CDH13: variants seen among roughly 807,000 people sequenced by gnomAD.
CDH13 encodes cadherin 13, also known as cadherin-13.
Under a neutral mutation model 63.8 loss-of-function variants are expected in CDH13, and 24 were observed. The observed-to-expected ratio is 0.38, with a 90% CI of 0.27 to 0.53. The LOEUF is 0.53. Ranked by LOEUF, CDH13 falls within the 20% of genes least tolerant of loss-of-function variation. The probability of loss-of-function intolerance (pLI) is 0.85; values close to 1 mark genes in which losing one functional copy is unlikely to be tolerated. For synonymous variants in CDH13, 503 were observed against 355.3 expected (o/e 1.42, Z -4.67); for missense variants, 1,049 against 903.1 (o/e 1.16, Z -2.07).
At chr16:82,663,377 G>C (rs1004627182) in intron 1 of CDH13, among the ~76,000 whole-genome samples, 2 of 151,968 alleles carry the variant, frequency 1.3e-5, no homozygotes, top group African/African-American at 4.8e-5. Flanking sequence ...GTATAGATGG[G>C]TTTCTCCATG....
At chr16:82,776,247 AAGGG>A (rs146393114) in intron 1 of CDH13, among the ~76,000 whole-genome samples, 18 of 140,496 alleles carry the variant, frequency 1.3e-4, no homozygotes, top group South Asian at 2.6e-4. Context: ...GGAAGGGATT[AAGGG>A]AGGGAGGGAG....
chr16:83,379,043 T>C (rs1305305582), intron 6 of CDH13, among the ~76,000 whole-genome samples: 1 of 152,050 alleles, frequency 6.6e-6, no homozygotes, highest in Non-Finnish European at 1.5e-5. Context: ...GTATAACATA[T>C]GCTTATCCTT....
intron 8 of CDH13, 77 bp from the exon 9 acceptor site, chr16:83,670,713 C>G (rs1914424688): frequency 8.0e-7 from 1 of 1,251,444 alleles, no homozygotes; most frequent in African/African-American, 1.5e-5. Context: ...ATGTGTGTAA[C>G]ATACCCAATG....
intron 2 of CDH13, among the ~76,000 whole-genome samples, chr16:82,863,864 A>T (rs1044921905): frequency 1.1e-4 from 16 of 149,792 alleles, no homozygotes; most frequent in Admixed American, 2.7e-4. Flanking sequence ...TAATTTTTTT[A>T]AATCCTAGAT....
intron 7 of CDH13, among the ~76,000 whole-genome samples, chr16:83,521,695 T>G (rs2074841407): frequency 6.6e-6 from 1 of 152,182 alleles, no homozygotes; most frequent in Non-Finnish European, 1.5e-5. Context: ...GAAAAGAACA[T>G]GAGTGGGTAA....
Position 83,032,041 on chromosome 16 carries a change from G to T in CDH13, c.189G>T (p.Lys63Asn), listed in dbSNP as rs931245498. ...LTFSDCKGND[K>N]LRYEVSSPYF... ...TCAGTGACTGTAAGGGAAACGACAA[G>T]CTACGCTATGAGGTCTCGAGCCCAT... is the stretch of plus-strand genomic sequence containing the variant. Residue 63 changes from lysine to asparagine, a missense_variant, in exon 3 of 14, where the codon AAG becomes AAT. Physicochemically the swap from Lys to Asn is moderately conservative, Grantham distance 94. Coordinates refer to ENST00000567109, the MANE Select transcript of CDH13 (RefSeq NM_001257.5). The T allele has an allele frequency of 3.1e-6, 5 of 1,603,874 alleles. No individual in the cohort carries two copies. Among genetic ancestry groups the T allele is most frequent in the Non-Finnish European group, 4.3e-6 (5 of 1,175,360 alleles).
At chr16:82,717,564 T>A (rs889856322) in intron 1 of CDH13, among the ~76,000 whole-genome samples, 1 of 152,056 alleles carries the variant, frequency 6.6e-6, no homozygotes, top group Non-Finnish European at 1.5e-5. Flanking sequence ...CTGGACTCTT[T>A]TAGATCCTGG....
At chr16:83,700,593 A>C (rs1906071354) in intron 10 of CDH13, among the ~76,000 whole-genome samples, 1 of 152,224 alleles carries the variant, frequency 6.6e-6, no homozygotes, top group Non-Finnish European at 1.5e-5. Flanking sequence ...ACAGGTGTAC[A>C]TATATTTCTT....
intron 10 of CDH13, among the ~76,000 whole-genome samples, chr16:83,689,968 C>T (rs1904685036): frequency 6.6e-6 from 1 of 152,160 alleles, no homozygotes; most frequent in Non-Finnish European, 1.5e-5. Flanking sequence ...GGTGGATCAC[C>T]TGAGGTCAGG....
chr16:83,710,028 T>C (rs766281281), intron 10 of CDH13, among the ~76,000 whole-genome samples: 5 of 152,260 alleles, frequency 3.3e-5, no homozygotes, highest in African/African-American at 4.8e-5. Context: ...GTGGTGATCT[T>C]GCCCCCAGAT....
intron 1 of CDH13, among the ~76,000 whole-genome samples, chr16:82,629,319 T>G (rs1279487071): frequency 1.3e-5 from 2 of 152,232 alleles, no homozygotes; most frequent in Non-Finnish European, 2.9e-5. Flanking sequence ...GAGGCTTATT[T>G]CTATTTTCAA....
At chr16:82,943,588 T>C (rs1484129914) in intron 2 of CDH13, among the ~76,000 whole-genome samples, 1 of 152,200 alleles carries the variant, frequency 6.6e-6, no homozygotes, top group Non-Finnish European at 1.5e-5. Flanking sequence ...TATTAGGCAA[T>C]GTATGTCTGA....
intron 10 of CDH13, among the ~76,000 whole-genome samples, chr16:83,734,434 A>G (rs1192974655): frequency 6.6e-6 from 1 of 152,144 alleles, no homozygotes. Context: ...TGTTTGGGAA[A>G]ACATGGATGA....
intron 1 of CDH13, among the ~76,000 whole-genome samples, chr16:82,768,142 T>G (rs939656930): frequency 6.6e-6 from 1 of 152,226 alleles, no homozygotes; most frequent in African/African-American, 2.4e-5. Flanking sequence ...ACGCACCTTG[T>G]GGCTGGTGGG....
chr16:83,050,101 T>C (rs2030131759), intron 3 of CDH13, among the ~76,000 whole-genome samples: 1 of 152,148 alleles, frequency 6.6e-6, no homozygotes, highest in Non-Finnish European at 1.5e-5. Context: ...CAGGATTCTT[T>C]ACAAACATGC....
rs571429804 is a variant in CDH13 at position 82,880,846 on chromosome 16, T to C, written c.157+22373T>C. ...AAAATTTAGATACAACTCCTGACTT[T>C]GAATGAGGGAATTCATACTGAGAAC... is the stretch of plus-strand genomic sequence containing the variant. On this transcript the variant is annotated intron_variant, in intron 2 of 13. Coordinates refer to ENST00000567109, the MANE Select transcript of CDH13 (RefSeq NM_001257.5). Among the ~76,000 whole-genome samples the C allele has an allele frequency of 6.5e-4, 99 of 152,336 alleles. 3 individuals carry two copies. The Middle Eastern group carries it at 0.01, about 16-fold the overall frequency.
intron 3 of CDH13, among the ~76,000 whole-genome samples, chr16:83,057,123 C>T (rs1233523814): frequency 6.6e-6 from 1 of 152,082 alleles, no homozygotes; most frequent in East Asian, 1.9e-4. Context: ...CGTGCCACCA[C>T]ACCCAGCTAA....
intron 6 of CDH13, among the ~76,000 whole-genome samples, chr16:83,473,856 C>G (rs1452904559): frequency 6.6e-6 from 1 of 151,858 alleles, no homozygotes; most frequent in Non-Finnish European, 1.5e-5. Flanking sequence ...CTCCCTGGGC[C>G]TCAGCTTCCC....
chr16:82,819,708 CCTCCTTTCTT>C (rs2037907414), intron 1 of CDH13, among the ~76,000 whole-genome samples: 1 of 152,216 alleles, frequency 6.6e-6, no homozygotes, highest in South Asian at 2.1e-4. Context: ...CGTCCTTTCT[CCTCCTTTCTT>C]CTTCAAAATG....
Sources: gnomAD v4.1 joint callset for allele counts (sites outside exome capture counted in the v4.1 genomes callset) on GRCh38, gnomAD v4.1.1 for gene constraint, MANE v1.5 for transcripts, NCBI Gene and HGNC (gene_info 2026-07-23, HGNC 2026-07-21) for gene names.